Variants in ITGA2 observed in about 807,000 individuals in gnomAD.
ITGA2 encodes integrin alpha-2.
Under a neutral mutation model 146.3 loss-of-function variants are expected in ITGA2, and 101 were observed. The observed-to-expected ratio is 0.69, with a 90% CI of 0.59 to 0.81. The LOEUF is 0.81. Ranked by LOEUF, ITGA2 falls within the 40% of genes least tolerant of loss-of-function variation. ITGA2 has a pLI of 0.00. For missense variants in ITGA2, 1,281 were observed against 1,402.7 expected, an observed-to-expected ratio of 0.91 and a Z score of 1.39; for synonymous variants, 477 against 487.1, an observed-to-expected ratio of 0.98 and a Z score of 0.27.
At chr5:53,054,145 T>C (rs1252760801) in intron 7 of ITGA2, among the ~76,000 whole-genome samples, 2 of 152,202 alleles carry the variant, frequency 1.3e-5, no homozygotes, top group Non-Finnish European at 2.9e-5. Flanking sequence ...CTGAAACTCA[T>C]ATGTTTAAGA....
intron 1 of ITGA2, among the ~76,000 whole-genome samples, chr5:53,013,314 G>A (rs376488904): frequency 6.6e-6 from 1 of 151,128 alleles, no homozygotes; most frequent in Non-Finnish European, 1.5e-5. Context: ...TCTTCTGCCT[G>A]TGACTAGCCA....
At chr5:53,087,164 A>G in intron 28 of ITGA2, 123 bp downstream of exon 28, 1 of 744,718 alleles carries the variant, frequency 1.3e-6, no homozygotes, top group South Asian at 1.5e-5. Flanking sequence ...AAAACTTTAA[A>G]GATCTGATGT....
In ITGA2 at chr5:53,078,987, C is replaced by T; in HGVS notation, c.2928+113C>T. On this transcript the variant is annotated intron_variant, in intron 24 of 29. Coordinates refer to ENST00000296585, the MANE Select transcript of ITGA2 (RefSeq NM_002203.4). The stretch of plus-strand genomic sequence containing the variant: ...GAAATTGAAAGAGATCCGTGGTTCT[C>T]AAACTTGGGTGTGCATTACAATCAC... 9.8e-6 allele frequency: 7 copies of T among 717,590 alleles called. No homozygotes were observed. In the South Asian group the frequency reaches 1.0e-4, roughly 11 times the overall value. The allele number at this position is 717,590 out of a possible 1,614,324, so 44.5% of individuals were successfully genotyped here. A position where few individuals can be genotyped will look rare whatever the true frequency, so the allele number is the denominator to read the frequency against.
chr5:52,994,742 A>T (rs995469221), intron 1 of ITGA2, among the ~76,000 whole-genome samples: 2 of 152,208 alleles, frequency 1.3e-5, no homozygotes, highest in Non-Finnish European at 2.9e-5. Flanking sequence ...CATATAATTT[A>T]AAACTTGGTT....
At chr5:53,066,086 A>G in intron 15 of ITGA2, 109 bp downstream of exon 15, 1 of 1,035,966 alleles carries the variant, frequency 9.7e-7, no homozygotes, top group Admixed American at 1.7e-5. Context: ...CTATAAGACT[A>G]TAGGGAATCG....
intron 2 of ITGA2, among the ~76,000 whole-genome samples, chr5:53,040,833 TAAA>T (rs1561113615): frequency 2.0e-5 from 3 of 152,220 alleles, no homozygotes; most frequent in Non-Finnish European, 4.4e-5. Flanking sequence ...TACTTCAGGT[TAAA>T]ACCTTCATCC....
At chr5:53,018,242 C>G (rs1742495854) in intron 1 of ITGA2, among the ~76,000 whole-genome samples, 1 of 152,176 alleles carries the variant, frequency 6.6e-6, no homozygotes, top group Non-Finnish European at 1.5e-5. Flanking sequence ...GATGGGCGTT[C>G]TTGGCCATAT....
chr5:53,062,714 T>TAA (rs1279857752), intron 12 of ITGA2, 72 bp from the exon 13 acceptor site: 10 of 1,503,048 alleles, frequency 6.7e-6, no homozygotes, highest in Non-Finnish European at 9.2e-6. Context: ...AATGAGCAAG[T>TAA]AAATGTTCAG....
At chr5:53,079,493 T>C (rs1487328917) in intron 24 of ITGA2, among the ~76,000 whole-genome samples, 1 of 152,134 alleles carries the variant, frequency 6.6e-6, no homozygotes, top group African/African-American at 2.4e-5. Flanking sequence ...GATAAATTAA[T>C]TTGTGAAAGA....
chr5:52,990,694 G>A (rs1740907681), intron 1 of ITGA2, among the ~76,000 whole-genome samples: 1 of 151,680 alleles, frequency 6.6e-6, no homozygotes, highest in African/African-American at 2.4e-5. Flanking sequence ...CAACCTGGTG[G>A]CATTTTCTCC....
At chr5:53,058,421 C>A (rs1345314331) in intron 10 of ITGA2, among the ~76,000 whole-genome samples, 3 of 151,874 alleles carry the variant, frequency 2.0e-5, no homozygotes, top group Admixed American at 2.0e-4. Context: ...AATCAATTAA[C>A]TACTGGAAAT....
intron 23 of ITGA2, 23 bp downstream of exon 23, chr5:53,075,327 T>A: frequency 3.2e-6 from 5 of 1,580,302 alleles, no homozygotes; most frequent in Non-Finnish European, 4.3e-6. Context: ...GTGGGTAACC[T>A]GCTATCACTG....
At position 53,075,351 on chromosome 5, in the gene ITGA2, A is replaced by G. The variant is rs199541468; in HGVS notation, c.2825+47A>G. 91 of 1,490,556 alleles carry G rather than the reference A, an allele frequency of 6.1e-5. No individual in the cohort carries two copies. The African/African-American group carries it at 1.2e-3, about 19-fold the overall frequency. The allele number at this position is 1,490,556 out of a possible 1,614,324, so 92.3% of individuals were successfully genotyped here. On this transcript the variant is annotated intron_variant, in intron 23 of 29. Coordinates refer to ENST00000296585, the MANE Select transcript of ITGA2 (RefSeq NM_002203.4). ...CTGCTATCACTGACACCAACTCTAG[A>G]TCAGAAGATTTTTGGCTCATGGCTA... is the stretch of plus-strand genomic sequence containing the variant.
intron 16 of ITGA2, 27 bp from the exon 17 acceptor site, chr5:53,070,082 A>C (rs1201033392): frequency 1.3e-6 from 2 of 1,586,418 alleles, no homozygotes; most frequent in South Asian, 2.2e-5. Context: ...TTGAAATAAC[A>C]TTTCTTTATG....
chr5:53,003,941 C>T (rs62357203), intron 1 of ITGA2, among the ~76,000 whole-genome samples: 3,642 of 152,104 alleles, frequency 0.024, 71 homozygotes, highest in Middle Eastern at 0.041. Context: ...AGAGACCATG[C>T]GAGGCCCCAT....
intron 1 of ITGA2, among the ~76,000 whole-genome samples, chr5:53,008,735 C>T (rs770368761): frequency 3.9e-5 from 6 of 152,154 alleles, no homozygotes; most frequent in East Asian, 1.9e-4. Context: ...TCAAGATTTC[C>T]GTGAACTCCC....
chr5:52,998,643 G>C (rs1030534122), intron 1 of ITGA2, among the ~76,000 whole-genome samples: 1 of 152,036 alleles, frequency 6.6e-6, no homozygotes, highest in African/African-American at 2.4e-5. Context: ...ATTCAATTTA[G>C]GTATCACTCC....
chr5:53,043,693 T>G lies in ITGA2; in HGVS notation c.296-1308T>G, dbSNP rs1172612291. ...GATTTTTCTAGTAAACAAGAGATGA[T>G]ACTTTTTGTAGGGAACATGGAGGCA... On this transcript the variant is annotated intron_variant, in intron 3 of 29. Coordinates refer to ENST00000296585, the MANE Select transcript of ITGA2 (RefSeq NM_002203.4). Among the ~76,000 whole-genome samples, 3 of 152,174 alleles carry G rather than the reference T, an allele frequency of 2.0e-5. No individual in the cohort carries two copies. In the East Asian group the frequency reaches 5.8e-4, roughly 29 times the overall value.
intron 23 of ITGA2, among the ~76,000 whole-genome samples, chr5:53,078,544 A>G (rs1398177745): frequency 1.3e-5 from 2 of 152,156 alleles, no homozygotes; most frequent in Admixed American, 6.6e-5. Flanking sequence ...ACAAACTCTT[A>G]GCAGAAAATC....
Sources: allele counts gnomAD v4.1 joint callset (sites outside exome capture counted in the v4.1 genomes callset), GRCh38; gene constraint gnomAD v4.1.1; transcripts MANE v1.5; gene names NCBI Gene and HGNC (gene_info 2026-07-23, HGNC 2026-07-21).